NT5DC1: variants seen among roughly 807,000 people sequenced by gnomAD.
The protein encoded by NT5DC1 is 5'-nucleotidase domain containing 1.
Under a neutral mutation model 59.4 loss-of-function variants are expected in NT5DC1, and 42 were observed. The observed-to-expected ratio is 0.71, with a 90% CI of 0.55 to 0.92. The LOEUF is 0.92. NT5DC1 is among the 40% of genes least tolerant of loss of function. The pLI is 0.00. For synonymous variants in NT5DC1, 172 were observed against 188.1 expected, an observed-to-expected ratio of 0.91 and a Z score of 0.70; for missense variants, 501 against 537.1, an observed-to-expected ratio of 0.93 and a Z score of 0.66.
At chr6:116,220,645 T>C (rs770694669) in intron 6 of NT5DC1, among the ~76,000 whole-genome samples, 3 of 152,214 alleles carry the variant, frequency 2.0e-5, no homozygotes, top group Admixed American at 6.5e-5. Flanking sequence ...GTGATCCTGG[T>C]GCAATATCTG....
intron 11 of NT5DC1, among the ~76,000 whole-genome samples, chr6:116,241,922 C>CAA (rs772261524): frequency 1.2e-3 from 12 of 10,120 alleles, no homozygotes; most frequent in African/African-American, 1.6e-3. Context: ...GACTCCGTCT[C>CAA]AAAAAAAAAA....
intron 6 of NT5DC1, among the ~76,000 whole-genome samples, chr6:116,212,737 T>G (rs1320701762): frequency 6.6e-6 from 1 of 152,144 alleles, no homozygotes; most frequent in Non-Finnish European, 1.5e-5. Context: ...CATTTTTTAC[T>G]GCTATAATCA....
intron 6 of NT5DC1, among the ~76,000 whole-genome samples, chr6:116,188,706 C>CTT (rs35593541): frequency 1.7e-3 from 249 of 146,274 alleles, no homozygotes; most frequent in Non-Finnish European, 2.4e-3. Context: ...AAATTTTCTA[C>CTT]TTTTTTTTTT....
At chr6:116,101,066 T>C in intron 1 of NT5DC1, 43 bp downstream of exon 1, 1 of 1,410,176 alleles carries the variant, frequency 7.1e-7, no homozygotes, top group Non-Finnish European at 9.8e-7. Flanking sequence ...GCAACCTCCA[T>C]GGCGGCTGGG....
At chr6:116,119,912 A>C (rs1779056746) in intron 6 of NT5DC1, 1 of 696,634 alleles carries the variant, frequency 1.4e-6, no homozygotes, top group Non-Finnish European at 2.5e-6. Context: ...GTTGCTGCTC[A>C]CTTTTCAGGG....
chr6:116,109,514 TTCTA>T (rs1778832142), intron 3 of NT5DC1, among the ~76,000 whole-genome samples: 2 of 152,254 alleles, frequency 1.3e-5, no homozygotes, highest in Admixed American at 1.3e-4. Flanking sequence ...TCTCTCTTTG[TTCTA>T]TCTGTCTGTC....
In NT5DC1 at chr6:116,156,604, G is replaced by T. The variant is rs1780202271; in HGVS notation, c.529+38659G>T. On this transcript the variant is annotated intron_variant, in intron 6 of 11. Transcript: ENST00000319550. ...AAAGCATAAGGAAGTCTTCGTGGAG[G>T]CAATGGTAATTTAGAGTTTCCTTGA... Among the ~76,000 whole-genome samples the T allele has an allele frequency of 2.0e-5, 3 of 152,206 alleles. No homozygotes were observed. In the South Asian group the frequency reaches 6.2e-4, roughly 32 times the overall value.
intron 6 of NT5DC1, among the ~76,000 whole-genome samples, chr6:116,207,485 G>T (rs79259175): frequency 6.6e-6 from 1 of 151,480 alleles, no homozygotes; most frequent in Non-Finnish European, 1.5e-5. Context: ...CATGCTTACC[G>T]GGTAAAGAGT....
chr6:116,191,551 T>C (rs1781117206), intron 6 of NT5DC1, among the ~76,000 whole-genome samples: 1 of 152,084 alleles, frequency 6.6e-6, no homozygotes, highest in Non-Finnish European at 1.5e-5. Context: ...TTTTATGTAA[T>C]AAATTATACC....
chr6:116,224,380 C>T (rs996239175), intron 8 of NT5DC1, among the ~76,000 whole-genome samples: 4 of 152,124 alleles, frequency 2.6e-5, no homozygotes, highest in Non-Finnish European at 5.9e-5. Flanking sequence ...ATTTTCTGTG[C>T]ACCAGACAGA....
chr6:116,156,026 C>A (rs569563036), intron 6 of NT5DC1, among the ~76,000 whole-genome samples: 1 of 152,236 alleles, frequency 6.6e-6, no homozygotes, highest in Admixed American at 6.5e-5. Context: ...CTTTTATCTC[C>A]TGTAATAAAA....
chr6:116,230,115 A>T (rs1252210167), intron 8 of NT5DC1, among the ~76,000 whole-genome samples: 1 of 151,960 alleles, frequency 6.6e-6, no homozygotes, highest in Non-Finnish European at 1.5e-5. Flanking sequence ...TACCTGGGAA[A>T]TCTCTCATCT....
intron 6 of NT5DC1, among the ~76,000 whole-genome samples, chr6:116,148,385 C>T (rs1483181728): frequency 2.0e-5 from 3 of 152,130 alleles, no homozygotes; most frequent in African/African-American, 7.2e-5. Flanking sequence ...TTGCAATTTA[C>T]CATACATGCC....
chr6:116,132,053 A>G (rs1779481703), intron 6 of NT5DC1, among the ~76,000 whole-genome samples: 1 of 152,048 alleles, frequency 6.6e-6, no homozygotes. Context: ...TATGTACCAC[A>G]TTTTCTTTAT....
rs761061952 is a variant in NT5DC1, at chr6:116,136,447, A to AT, written c.529+18510dup. Among the ~76,000 whole-genome samples, 22 of 149,072 alleles carry AT rather than the reference A, an allele frequency of 1.5e-4. 1 individual carries two copies. The highest frequency in any genetic ancestry group is 4.0e-4 in the East Asian group (2 of 4,998). The stretch of plus-strand genomic sequence containing the variant: ...CATTCTTAGGTAGATGGTTATAGCT[A>AT]TTTTTTTTAAGTTTTGTGGGGTTTT... On this transcript the variant is annotated intron_variant, in intron 6 of 11. Transcript: ENST00000319550.
chr6:116,235,357 A>G lies in NT5DC1; in HGVS notation c.803-1609A>G, dbSNP rs541408936. Among the ~76,000 whole-genome samples the G allele has an allele frequency of 2.0e-5, 3 of 152,346 alleles. No homozygotes were observed. In the South Asian group the frequency reaches 6.2e-4, roughly 32 times the overall value. On this transcript the variant is annotated intron_variant, in intron 8 of 11. Coordinates refer to ENST00000319550, the MANE Select transcript of NT5DC1 (RefSeq NM_152729.3). ...TCTTAGACCCTTTTAATGTTAGGCT[A>G]GTACATGATTTTGGCTTCCTATCTA...
chr6:116,188,021 A>G (rs568710756), intron 6 of NT5DC1, among the ~76,000 whole-genome samples: 10 of 152,206 alleles, frequency 6.6e-5, no homozygotes, highest in African/African-American at 1.9e-4. Context: ...GCAACCCAGT[A>G]GAAAATGAAC....
At chr6:116,115,274 G>T (rs1037333284) in intron 4 of NT5DC1, among the ~76,000 whole-genome samples, 3 of 152,156 alleles carry the variant, frequency 2.0e-5, no homozygotes, top group Admixed American at 6.5e-5. Flanking sequence ...TCTAGGAGGG[G>T]TCAGCCAACC....
chr6:116,174,439 A>C (rs1392214996), intron 6 of NT5DC1, among the ~76,000 whole-genome samples: 5 of 152,252 alleles, frequency 3.3e-5, no homozygotes, highest in Non-Finnish European at 7.3e-5. Flanking sequence ...GACGATATGC[A>C]TGATTAATGA....
Sources: allele counts gnomAD v4.1 joint callset (sites outside exome capture counted in the v4.1 genomes callset), GRCh38; gene constraint gnomAD v4.1.1; transcripts MANE v1.5; gene names NCBI Gene and HGNC (gene_info 2026-07-23, HGNC 2026-07-21).